CCDC184: variants seen among roughly 807,000 people sequenced by gnomAD.
CCDC184 encodes the protein coiled-coil domain containing 184, also known as coiled-coil domain-containing protein 184.
Under a neutral mutation model 10.4 loss-of-function variants are expected in CCDC184, and 11 were observed. The observed-to-expected ratio is 1.06, with a 90% CI of 0.67 to 1.75. The LOEUF is 1.75. Among genes scored for constraint, CCDC184 ranks in the 40% most tolerant of loss-of-function variants. The pLI is 0.00. For missense variants in CCDC184, 264 were observed against 267.9 expected, an observed-to-expected ratio of 0.99 and a Z score of 0.10; for synonymous variants, 102 against 116.1, an observed-to-expected ratio of 0.88 and a Z score of 0.78.
Position 48,184,975 on chromosome 12 carries a change from C to T in CCDC184, c.*268C>T, listed in dbSNP as rs1286576333. 1.1e-5 allele frequency: 5 copies of T among 448,680 alleles called. No individual in the cohort carries two copies. Among genetic ancestry groups the T allele is most frequent in the Non-Finnish European group, 2.1e-5 (5 of 242,936 alleles). The allele number at this position is 448,680 out of a possible 1,614,324, so 27.8% of individuals were successfully genotyped here. On this transcript the variant is annotated 3_prime_UTR_variant, in exon 1 of 1. Coordinates refer to ENST00000316554, the MANE Select transcript of CCDC184 (RefSeq NM_001013635.4). ...AAGCGCCCATCTCTGGACTCCCATCCATCCCTATCCTGTCCTTTCCCCCTT... is the reference window on the plus strand; with the variant it reads ...AAGCGCCCATCTCTGGACTCCCATCTATCCCTATCCTGTCCTTTCCCCCTT...
In CCDC184 at chr12:48,184,007, G is replaced by C; in HGVS notation, c.-116G>C. On this transcript the variant is annotated 5_prime_UTR_variant, in exon 1 of 1. Coordinates refer to ENST00000316554, the MANE Select transcript of CCDC184 (RefSeq NM_001013635.4). The stretch of plus-strand genomic sequence containing the variant: ...CTCCCCGCCAGTCTCGGGAGCCTCC[G>C]CTTCCCTCGGCTCCCGCTAGCCCCT... 15 of 514,220 alleles carry C rather than the reference G, an allele frequency of 2.9e-5. No individual in the cohort carries two copies. Among genetic ancestry groups the C allele is most frequent in the Admixed American group, 3.4e-5 (1 of 29,154 alleles). The allele number at this position is 514,220 out of a possible 1,614,324, so 31.9% of individuals were successfully genotyped here.
At position 48,184,909 on chromosome 12, in the gene CCDC184, GA is replaced by G; in HGVS notation, c.*204del. 1 of 559,100 alleles carries G rather than the reference GA, an allele frequency of 1.8e-6. No homozygotes were observed. The highest frequency in any genetic ancestry group is 3.2e-6 in the Non-Finnish European group (1 of 308,236). 34.6% of individuals were successfully genotyped at this position (559,100 alleles called of 1,614,324 possible). A position where few individuals can be genotyped will look rare whatever the true frequency, so the allele number is the denominator to read the frequency against. On this transcript the variant is annotated 3_prime_UTR_variant, in exon 1 of 1. Transcript: ENST00000316554. Reference sequence around the variant, plus strand: ...GAGAATTCTTTCTGCCCAACTAAGCGAATTATAGCGAACTGCGGAAAGGTGA... The same window carrying G: ...GAGAATTCTTTCTGCCCAACTAAGCGATTATAGCGAACTGCGGAAAGGTGA...
Position 48,184,581 on chromosome 12 carries a change from C to G in CCDC184, c.459C>G (p.Pro153=). 1 of 1,559,138 alleles carries G rather than the reference C, an allele frequency of 6.4e-7. No individual in the cohort carries two copies. Among genetic ancestry groups the G allele is most frequent in the South Asian group, 1.2e-5 (1 of 85,288 alleles). ...AGGAGATGCCCAGCCCCGCCACACCCTCCAGTCACTGTGAGCGCCCCGAAA... is the reference window on the plus strand; with the variant it reads ...AGGAGATGCCCAGCCCCGCCACACCGTCCAGTCACTGTGAGCGCCCCGAAA... ...EEKEMPSPAT[P]SSHCERPESP... The change falls in exon 1 of 1, where the codon CCC becomes CCG. Residue 153 remains proline (P), a synonymous_variant. Transcript: ENST00000316554.
Position 48,184,173 on chromosome 12 carries a change from G to A in CCDC184, c.51G>A (p.Pro17=). 3.1e-6 allele frequency: 5 copies of A among 1,613,946 alleles called. No homozygotes were observed. Among genetic ancestry groups the A allele is most frequent in the Non-Finnish European group, 4.2e-6 (5 of 1,179,972 alleles). Residue 17 remains proline (P), a synonymous_variant, in exon 1 of 1, where the codon CCG becomes CCA. Transcript: ENST00000316554. ...TGACCAAGGACGGCGGCGACATGCC[G>A]GCGCCCCTGGAGGTGTCCACCGTGC... ...EIMTKDGGDM[P]APLEVSTVPA...
rs1487031629 is a variant in CCDC184 at position 48,184,781 on chromosome 12, G to C, written c.*74G>C. 1 of 1,158,902 alleles carries C rather than the reference G, an allele frequency of 8.6e-7. No individual in the cohort carries two copies. The highest frequency in any genetic ancestry group is 1.2e-6 in the Non-Finnish European group (1 of 817,210). The allele number at this position is 1,158,902 out of a possible 1,614,324, so 71.8% of individuals were successfully genotyped here. ...GTGCATGACGCGAGGGGGACTGAAC[G>C]GCGCGGTGCGGCATGCTTCACTTGG... On this transcript the variant is annotated 3_prime_UTR_variant, in exon 1 of 1. Coordinates refer to ENST00000316554, the MANE Select transcript of CCDC184 (RefSeq NM_001013635.4).
chr12:48,185,340 T>C lies in CCDC184; in HGVS notation c.*633T>C, dbSNP rs1951495061. The C allele has an allele frequency of 6.0e-6, 1 of 167,022 alleles. No homozygotes were observed. Among genetic ancestry groups the C allele is most frequent in the Non-Finnish European group, 1.5e-5 (1 of 68,134 alleles). The allele number at this position is 167,022 out of a possible 1,614,324, so 10.3% of individuals were successfully genotyped here. On this transcript the variant is annotated 3_prime_UTR_variant, in exon 1 of 1. Transcript: ENST00000316554. ...GCTATGAATGTGCATGAAGACATAA[T>C]AGCTCAACCTCTAGGATTTTGCATG...
chr12:48,184,936 G>A lies in CCDC184; in HGVS notation c.*229G>A, dbSNP rs927080638. 9.6e-6 allele frequency: 5 copies of A among 520,296 alleles called. No individual in the cohort carries two copies. The highest frequency in any genetic ancestry group is 3.5e-5 in the Admixed American group (1 of 28,854). The allele number at this position is 520,296 out of a possible 1,614,324, so 32.2% of individuals were successfully genotyped here. A position where few individuals can be genotyped will look rare whatever the true frequency, so the allele number is the denominator to read the frequency against. ...ATTATAGCGAACTGCGGAAAGGTGA[G>A]GCTCCGGGAGAGGAAGCGCCCATCT... On this transcript the variant is annotated 3_prime_UTR_variant, in exon 1 of 1. Coordinates refer to ENST00000316554, the MANE Select transcript of CCDC184 (RefSeq NM_001013635.4).
In CCDC184 at chr12:48,184,692, C is replaced by T. The variant is rs371897012; in HGVS notation, c.570C>T (p.Gly190=). The part of the protein sequence containing the change: ...MPDITLLQLE[G]EASL The stretch of plus-strand genomic sequence containing the variant: ...ACATTACCCTGCTGCAACTGGAGGG[C>T]GAGGCCTCCCTGTGAGGGGACTCCG... Residue 190 remains glycine (G), a synonymous_variant, in exon 1 of 1, where the codon GGC becomes GGT. Coordinates refer to ENST00000316554, the MANE Select transcript of CCDC184 (RefSeq NM_001013635.4). The T allele has an allele frequency of 1.9e-6, 3 of 1,600,470 alleles. No homozygotes were observed. The highest frequency in any genetic ancestry group is 1.1e-5 in the South Asian group (1 of 89,624).
chr12:48,184,005 C>T lies in CCDC184; in HGVS notation c.-118C>T. The T allele has an allele frequency of 4.9e-6, 3 of 617,780 alleles. No individual in the cohort carries two copies. The South Asian group carries it at 5.8e-5, about 12-fold the overall frequency. The allele number at this position is 617,780 out of a possible 1,614,324, so 38.3% of individuals were successfully genotyped here. On this transcript the variant is annotated 5_prime_UTR_variant, in exon 1 of 1. Transcript: ENST00000316554. ...GGCTCCCCGCCAGTCTCGGGAGCCTCCGCTTCCCTCGGCTCCCGCTAGCCC... is the reference window on the plus strand; with the variant it reads ...GGCTCCCCGCCAGTCTCGGGAGCCTTCGCTTCCCTCGGCTCCCGCTAGCCC...
Position 48,184,368 on chromosome 12 carries a change from C to T in CCDC184, c.246C>T (p.Asn82=). The T allele has an allele frequency of 6.2e-7, 1 of 1,613,900 alleles. No individual in the cohort carries two copies. Among genetic ancestry groups the T allele is most frequent in the South Asian group, 1.1e-5 (1 of 91,082 alleles). ...IQVLSDDVCA[N]QRAIVSMCQI... ...TGCTCTCGGACGACGTGTGCGCCAA[C>T]CAGCGAGCCATCGTCTCCATGTGCC... Residue 82 remains asparagine, a synonymous_variant, in exon 1 of 1, where the codon AAC becomes AAT. Transcript: ENST00000316554.
Position 48,184,528 on chromosome 12 carries a change from G to C in CCDC184, c.406G>C (p.Glu136Gln), listed in dbSNP as rs762767014. The C allele has an allele frequency of 6.4e-7, 1 of 1,555,020 alleles. No homozygotes were observed. The highest frequency in any genetic ancestry group is 2.4e-5 in the East Asian group (1 of 42,544). ...CAGCGGCTTGCTGGGTCGCGATCCC[G>C]AGGACGAGGAGGAAGAGGAAGAAGA... The part of the protein sequence containing the change: ...GDSGLLGRDP[E>Q]DEEEEEEEKE... The change falls in exon 1 of 1, where the codon GAG (glutamate) becomes CAG (glutamine). Residue 136 changes from glutamate (E) to glutamine (Q), a missense_variant. By Grantham distance (29) the Glu-to-Gln change is conservative. Transcript: ENST00000316554.
rs761723323 is a variant in CCDC184 at position 48,184,651 on chromosome 12, C to A, written c.529C>A (p.Pro177Thr). 60 of 1,593,778 alleles carry A rather than the reference C, an allele frequency of 3.8e-5. No homozygotes were observed. In the African/African-American group the frequency reaches 7.1e-4, roughly 19 times the overall value. ...TGGGGGGGACGGGCCACTTGTGGAG[C>A]CCCTCGACATGCCCGACATTACCCT... ...LLGGDGPLVE[P>T]LDMPDITLLQ... Residue 177 changes from proline to threonine, a missense_variant, in exon 1 of 1, where the codon CCC (proline) becomes ACC (threonine). Pro to Thr is a conservative substitution (Grantham distance 38). Coordinates refer to ENST00000316554, the MANE Select transcript of CCDC184 (RefSeq NM_001013635.4).
rs1951495549 is a variant in CCDC184 at position 48,185,416 on chromosome 12, T to C, written c.*709T>C. On this transcript the variant is annotated 3_prime_UTR_variant, in exon 1 of 1. Coordinates refer to ENST00000316554, the MANE Select transcript of CCDC184 (RefSeq NM_001013635.4). Reference sequence around the variant, plus strand: ...ACTTCATCTGGGATTGCTTTTCCACTCCCTGGGGCTTAGAGAACAAAGAGC... The same window carrying C: ...ACTTCATCTGGGATTGCTTTTCCACCCCCTGGGGCTTAGAGAACAAAGAGC... The C allele has an allele frequency of 6.0e-6, 1 of 166,934 alleles. No homozygotes were observed. The highest frequency in any genetic ancestry group is 2.1e-4 in the South Asian group (1 of 4,804). The allele number at this position is 166,934 out of a possible 1,614,324, so 10.3% of individuals were successfully genotyped here.
rs1424480694 is a variant in CCDC184 at position 48,184,096 on chromosome 12, G to T, written c.-27G>T. ...GAGGCCGGGCTGGACGCGACCCAGA[G>T]CCTCCGCCACCCGCTTCTGCCACTC... On this transcript the variant is annotated 5_prime_UTR_variant, in exon 1 of 1. Coordinates refer to ENST00000316554, the MANE Select transcript of CCDC184 (RefSeq NM_001013635.4). 5 of 1,451,964 alleles carry T rather than the reference G, an allele frequency of 3.4e-6. No individual in the cohort carries two copies. The African/African-American group carries it at 4.3e-5, about 12-fold the overall frequency. 89.9% of individuals were successfully genotyped at this position (1,451,964 alleles called of 1,614,324 possible).
rs1305090721 is a variant in CCDC184, at chr12:48,185,577, A to G, written c.*870A>G. 2 of 166,318 alleles carry G rather than the reference A, an allele frequency of 1.2e-5. No individual in the cohort carries two copies. Among genetic ancestry groups the G allele is most frequent in the Admixed American group, 6.6e-5 (1 of 15,176 alleles). The allele number at this position is 166,318 out of a possible 1,614,324, so 10.3% of individuals were successfully genotyped here. A position where few individuals can be genotyped will look rare whatever the true frequency, so the allele number is the denominator to read the frequency against. On this transcript the variant is annotated 3_prime_UTR_variant, in exon 1 of 1. Transcript: ENST00000316554. ...TTAACTTCAGTTCCTTTTTCTGTCA[A>G]TATGTCCTTGCCCACTGCCTCTCGG...
chr12:48,183,801 A>C lies in CCDC184; in HGVS notation c.-322A>C. ...CAGGCGCTCTCTGCTTGTGGCGCCCAGAGGGCGGCGCTGACACGGGCGCGA... is the reference window on the plus strand; with the variant it reads ...CAGGCGCTCTCTGCTTGTGGCGCCCCGAGGGCGGCGCTGACACGGGCGCGA... On this transcript the variant is annotated 5_prime_UTR_variant, in exon 1 of 1. Transcript: ENST00000316554. 3.1e-6 allele frequency: 1 copy of C among 321,782 alleles called. No individual in the cohort carries two copies. 19.9% of individuals were successfully genotyped at this position (321,782 alleles called of 1,614,324 possible).
chr12:48,185,574 T>A lies in CCDC184; in HGVS notation c.*867T>A, dbSNP rs1294487894. On this transcript the variant is annotated 3_prime_UTR_variant, in exon 1 of 1. Coordinates refer to ENST00000316554, the MANE Select transcript of CCDC184 (RefSeq NM_001013635.4). ...TGCTTAACTTCAGTTCCTTTTTCTG[T>A]CAATATGTCCTTGCCCACTGCCTCT... 1 of 166,944 alleles carries A rather than the reference T, an allele frequency of 6.0e-6. No homozygotes were observed. Among genetic ancestry groups the A allele is most frequent in the Non-Finnish European group, 1.5e-5 (1 of 68,182 alleles). 10.3% of individuals were successfully genotyped at this position (166,944 alleles called of 1,614,324 possible).
At position 48,184,000 on chromosome 12, in the gene CCDC184, A is replaced by G. The variant is rs1951484310; in HGVS notation, c.-123A>G. The G allele has an allele frequency of 9.5e-5, 48 of 502,624 alleles. No homozygotes were observed. The highest frequency in any genetic ancestry group is 1.3e-4 in the Non-Finnish European group (37 of 287,180). 31.1% of individuals were successfully genotyped at this position (502,624 alleles called of 1,614,324 possible). ...ACGTCGGCTCCCCGCCAGTCTCGGGAGCCTCCGCTTCCCTCGGCTCCCGCT... is the reference window on the plus strand; with the variant it reads ...ACGTCGGCTCCCCGCCAGTCTCGGGGGCCTCCGCTTCCCTCGGCTCCCGCT... On this transcript the variant is annotated 5_prime_UTR_variant, in exon 1 of 1. Transcript: ENST00000316554.
Position 48,183,705 on chromosome 12 carries a change from G to C in CCDC184, c.-418G>C, listed in dbSNP as rs994482217. ...CGGTAATGGCCTGGGGGAGTCCCGA[G>C]TCCGACGCGCCGCTGGCCTCAGCCT... On this transcript the variant is annotated 5_prime_UTR_variant, in exon 1 of 1. Transcript: ENST00000316554. The C allele has an allele frequency of 3.8e-5, 7 of 185,684 alleles. No individual in the cohort carries two copies. Among genetic ancestry groups the C allele is most frequent in the African/African-American group, 1.2e-4 (5 of 42,520 alleles). The allele number at this position is 185,684 out of a possible 1,614,324, so 11.5% of individuals were successfully genotyped here.
Sources: allele counts gnomAD v4.1 joint callset, GRCh38; gene constraint gnomAD v4.1.1; transcripts MANE v1.5; gene names NCBI Gene and HGNC (gene_info 2026-07-23, HGNC 2026-07-21).